TRAPPC8: variants seen among roughly 807,000 people sequenced by gnomAD.
The protein encoded by TRAPPC8 is general sporulation gene 1 homolog.
Under a neutral mutation model 174.3 loss-of-function variants are expected in TRAPPC8, and 54 were observed. That is an observed-to-expected ratio of 0.31 (90% CI 0.25 to 0.39). The LOEUF (loss-of-function observed/expected upper bound fraction) is 0.39. TRAPPC8 is among the 10% of genes least tolerant of loss of function. The probability of loss-of-function intolerance (pLI) is 1.00; values close to 1 mark genes in which losing one functional copy is unlikely to be tolerated. For missense variants in TRAPPC8, 1,531 were observed against 1,699.1 expected (o/e 0.90, Z 1.74); for synonymous variants, 630 against 579.9 (o/e 1.09, Z -1.24).
intron 22 of TRAPPC8, among the ~76,000 whole-genome samples, chr18:31,853,640 C>T (rs746500472): frequency 1.3e-5 from 2 of 151,968 alleles, no homozygotes; most frequent in African/African-American, 4.8e-5. Flanking sequence ...GAAGAAAATA[C>T]AAGTATAAAA....
chr18:31,844,359 T>C (rs952318426), intron 26 of TRAPPC8: 1 of 152,210 alleles, frequency 6.6e-6, no homozygotes, highest in Non-Finnish European at 1.5e-5. Context: ...GAAAGATTTC[T>C]GATTGGAAAG....
intron 12 of TRAPPC8, 64 bp downstream of exon 12, chr18:31,890,671 T>C: frequency 6.5e-7 from 1 of 1,536,722 alleles, no homozygotes; most frequent in South Asian, 1.2e-5. Context: ...ATAATAAAAA[T>C]GGACAAATGA....
chr18:31,925,285 A>G (rs1420950544), intron 2 of TRAPPC8, among the ~76,000 whole-genome samples: 1 of 148,608 alleles, frequency 6.7e-6, no homozygotes, highest in Non-Finnish European at 1.5e-5. Context: ...AAAACAGCCA[A>G]CAACAATTTA....
At chr18:31,897,140 G>A (rs943706430) in intron 11 of TRAPPC8, among the ~76,000 whole-genome samples, 3 of 152,038 alleles carry the variant, frequency 2.0e-5, no homozygotes, top group Admixed American at 6.6e-5. Context: ...TTGTTCCTTC[G>A]TTCTTCAGTA....
intron 11 of TRAPPC8, among the ~76,000 whole-genome samples, chr18:31,893,380 G>GGTGTGT (rs10660521): frequency 2.8e-3 from 420 of 149,730 alleles, no homozygotes; most frequent in African/African-American, 3.7e-3. Context: ...TTTGCTTCTA[G>GGTGTGT]GTGTGTGTGT....
At chr18:31,871,649 A>G (rs2034868775) in intron 14 of TRAPPC8, among the ~76,000 whole-genome samples, 1 of 152,144 alleles carries the variant, frequency 6.6e-6, no homozygotes, top group South Asian at 2.1e-4. Flanking sequence ...AATGCATAAA[A>G]TTAGTTTTTA....
At chr18:31,887,036 G>A (rs73411516) in intron 12 of TRAPPC8, among the ~76,000 whole-genome samples, 6,272 of 152,040 alleles carry the variant, frequency 0.041, 351 homozygotes, top group African/African-American at 0.12. Context: ...TAAGAGAAAC[G>A]GCATTACTCT....
chr18:31,855,935 AATACATTAAGTAAAATTACATAGT>A, intron 20 of TRAPPC8, 128 bp from the exon 21 acceptor site: 1 of 1,028,414 alleles, frequency 9.7e-7, no homozygotes, highest in Non-Finnish European at 1.4e-6. Flanking sequence ...AAATCCATAG[AATACATTAAGTAAAATTACATAGT>A]TAGCCTAACT....
chr18:31,911,175 T>G (rs2036887207), intron 5 of TRAPPC8, among the ~76,000 whole-genome samples: 1 of 152,154 alleles, frequency 6.6e-6, no homozygotes, highest in South Asian at 2.1e-4. Context: ...ACACACAGAG[T>G]GCATAATATA....
intron 1 of TRAPPC8, 27 bp from the exon 2 acceptor site, chr18:31,931,550 GAAATT>G (rs2037846426): frequency 6.6e-7 from 1 of 1,525,768 alleles, no homozygotes; most frequent in Non-Finnish European, 8.8e-7. Context: ...AAAAAAACTT[GAAATT>G]AATTCTATAC....
chr18:31,938,556 T>C (rs530099777), intron 1 of TRAPPC8, among the ~76,000 whole-genome samples: 2 of 152,206 alleles, frequency 1.3e-5, no homozygotes, highest in East Asian at 3.9e-4. Flanking sequence ...TGTTTTCTAC[T>C]AAAATCTAAA....
At chr18:31,898,673 A>C (rs2036283851) in intron 10 of TRAPPC8, among the ~76,000 whole-genome samples, 1 of 152,228 alleles carries the variant, frequency 6.6e-6, no homozygotes, top group Non-Finnish European at 1.5e-5. Context: ...GCGTTGTCTG[A>C]TTGATTCCTG....
intron 16 of TRAPPC8, among the ~76,000 whole-genome samples, chr18:31,867,901 A>G (rs769124876): frequency 6.6e-6 from 1 of 152,116 alleles, no homozygotes; most frequent in Non-Finnish European, 1.5e-5. Context: ...TATCAAAGAT[A>G]CCGCCACCAA....
chr18:31,928,349 A>G (rs941608683), intron 2 of TRAPPC8, among the ~76,000 whole-genome samples: 6 of 150,810 alleles, frequency 4.0e-5, no homozygotes, highest in Non-Finnish European at 8.9e-5. Context: ...ACACACACAC[A>G]CACACACACA....
chr18:31,876,497 A>AAAAAAAAAAAAAAAAAAAG (rs2035157652), intron 12 of TRAPPC8, among the ~76,000 whole-genome samples: 1 of 148,594 alleles, frequency 6.7e-6, no homozygotes, highest in Non-Finnish European at 1.5e-5. Flanking sequence ...CTCAAAAAAA[A>AAAAAAAAAAAAAAAAAAAG]AAAAAAAAAA....
At chr18:31,901,094 A>G (rs190426965) in intron 9 of TRAPPC8, 69 bp from the exon 10 acceptor site, 9 of 1,382,114 alleles carry the variant, frequency 6.5e-6, no homozygotes, top group Admixed American at 2.6e-5. Flanking sequence ...TGGGAAACTA[A>G]AAGTTGGAAT....
Position 31,890,879 on chromosome 18 carries a change from T to A in TRAPPC8, c.1597-13A>T. 6.3e-7 allele frequency: 1 copy of A among 1,586,940 alleles called. No homozygotes were observed. Among genetic ancestry groups the A allele is most frequent in the Non-Finnish European group, 8.6e-7 (1 of 1,169,248 alleles). ...GAAGATCAGAATCCTAGTGAATGTT[T>A]AAAAGAGAAAAAGGTTAGTTTCACC... is the stretch of plus-strand genomic sequence containing the variant. On this transcript the variant is annotated splice_polypyrimidine_tract_variant and intron_variant, in intron 11 of 28. Coordinates refer to ENST00000283351, the MANE Select transcript of TRAPPC8 (RefSeq NM_014939.5).
At chr18:31,919,790 A>T (rs2037308699) in intron 2 of TRAPPC8, among the ~76,000 whole-genome samples, 1 of 151,260 alleles carries the variant, frequency 6.6e-6, no homozygotes, top group African/African-American at 2.4e-5. Flanking sequence ...GAGCCCAGGA[A>T]GTCAAGGCTG....
chr18:31,901,373 T>C (rs2036418331), intron 9 of TRAPPC8, among the ~76,000 whole-genome samples: 1 of 152,326 alleles, frequency 6.6e-6, no homozygotes. Flanking sequence ...CTTTAAAACA[T>C]ATCCTTAAAG....
Sources: allele counts gnomAD v4.1 joint callset (sites outside exome capture counted in the v4.1 genomes callset), GRCh38; gene constraint gnomAD v4.1.1; transcripts MANE v1.5; gene names NCBI Gene and HGNC (gene_info 2026-07-23, HGNC 2026-07-21).